Variants in LMBRD2 observed in about 807,000 individuals in gnomAD.
The protein encoded by LMBRD2 is G protein-coupled receptor-associated protein LMBRD2.
A neutral mutation model predicts 94.4 loss-of-function variants in LMBRD2; 55 were observed. That is an observed-to-expected ratio of 0.58 (90% CI 0.47 to 0.73). The LOEUF is 0.73. Among genes scored for constraint, LMBRD2 ranks in the 30% least tolerant of loss-of-function variants. LMBRD2 has a pLI of 0.00. For synonymous variants in LMBRD2, 246 were observed against 272.4 expected (o/e 0.90, Z 0.95); for missense variants, 640 against 831.9 (o/e 0.77, Z 2.84).
rs1001215437 is a variant in LMBRD2 at position 36,102,599 on chromosome 5, T to A, written c.*1447A>T. On this transcript the variant is annotated 3_prime_UTR_variant, in exon 18 of 18. Transcript: ENST00000296603. ...GATCAAAATTTTCAGATAATGAGGATGATGCTCTATTCCTTTCAATATCTG... is the reference window on the plus strand; with the variant it reads ...GATCAAAATTTTCAGATAATGAGGAAGATGCTCTATTCCTTTCAATATCTG... 1 of 151,748 alleles carries A rather than the reference T, an allele frequency of 6.6e-6. No individual in the cohort carries two copies. The highest frequency in any genetic ancestry group is 2.4e-5 in the African/African-American group (1 of 41,392). The allele number at this position is 151,748 out of a possible 1,614,324, so 9.4% of individuals were successfully genotyped here.
chr5:36,141,319 T>A (rs1311977798), intron 3 of LMBRD2, 117 bp from the exon 4 acceptor site: 1 of 565,178 alleles, frequency 1.8e-6, no homozygotes, highest in East Asian at 3.2e-5. Context: ...CTGACTCTAA[T>A]AATCAATAAC....
intron 16 of LMBRD2, among the ~76,000 whole-genome samples, chr5:36,107,163 A>AT (rs1343866895): frequency 6.6e-6 from 1 of 152,168 alleles, no homozygotes; most frequent in East Asian, 1.9e-4. Context: ...CATAGTCTGT[A>AT]ATTAAAATAT....
chr5:36,141,102 C>T lies in LMBRD2; in HGVS notation c.368+5G>A. The stretch of plus-strand genomic sequence containing the variant: ...TTAAAAATTTTATCATTTACTGTAA[C>T]TTACCATGTTAAAAATTGTGACGTC... On this transcript the variant is annotated splice_donor_5th_base_variant and intron_variant, in intron 4 of 17. Transcript: ENST00000296603. 6.5e-7 allele frequency: 1 copy of T among 1,537,204 alleles called. No individual in the cohort carries two copies. The highest frequency in any genetic ancestry group is 8.9e-7 in the Non-Finnish European group (1 of 1,118,918).
chr5:36,113,317 T>C (rs1003511679), intron 13 of LMBRD2, among the ~76,000 whole-genome samples: 2 of 151,972 alleles, frequency 1.3e-5, no homozygotes, highest in Non-Finnish European at 2.9e-5. Flanking sequence ...ATCAAGACCC[T>C]CTCACGAGGA....
chr5:36,144,382 G>A (rs1043287062), intron 1 of LMBRD2, among the ~76,000 whole-genome samples: 1 of 152,004 alleles, frequency 6.6e-6, no homozygotes, highest in African/African-American at 2.4e-5. Context: ...TCAAGAGTGT[G>A]ATCAACCCAA....
At chr5:36,141,257 A>G in intron 3 of LMBRD2, 55 bp from the exon 4 acceptor site, 5 of 1,009,892 alleles carry the variant, frequency 5.0e-6, no homozygotes, top group Non-Finnish European at 7.7e-6. Context: ...TAAATGAATT[A>G]TACAATTAAT....
Position 36,116,445 on chromosome 5 carries a change from C to T in LMBRD2, c.1436+15G>A, listed in dbSNP as rs367964786. ...TGATGACATTTCTCTTGTTTCTAAA[C>T]ATAATCCTACTTACATGCCACTGAA... On this transcript the variant is annotated intron_variant, in intron 11 of 17. Coordinates refer to ENST00000296603, the MANE Select transcript of LMBRD2 (RefSeq NM_001007527.2). 1.2e-6 allele frequency: 2 copies of T among 1,609,488 alleles called. No individual in the cohort carries two copies. Among genetic ancestry groups the T allele is most frequent in the Non-Finnish European group, 1.7e-6 (2 of 1,177,606 alleles).
At chr5:36,118,068 C>T in intron 9 of LMBRD2, 152 bp from the exon 10 acceptor site, 1 of 605,432 alleles carries the variant, frequency 1.7e-6, no homozygotes, top group Admixed American at 3.3e-5. Context: ...CGAACCTAAC[C>T]AAATGACACC....
chr5:36,113,223 C>T (rs1420869033), intron 13 of LMBRD2, among the ~76,000 whole-genome samples: 3 of 152,084 alleles, frequency 2.0e-5, no homozygotes, highest in Admixed American at 6.6e-5. Flanking sequence ...GGAAAAGCAT[C>T]GTGAAAATCC....
chr5:36,114,589 G>A (rs1743694434), intron 12 of LMBRD2, 68 bp from the exon 13 acceptor site: 1 of 1,430,918 alleles, frequency 7.0e-7, no homozygotes, highest in South Asian at 1.7e-5. Flanking sequence ...TCCATCATTA[G>A]AAAATTTGCC....
intron 6 of LMBRD2, among the ~76,000 whole-genome samples, chr5:36,132,910 T>C (rs1302772154): frequency 6.6e-6 from 1 of 151,692 alleles, no homozygotes; most frequent in Admixed American, 6.6e-5. Flanking sequence ...CTCACCCCAG[T>C]TAAAATGGGT....
At chr5:36,122,773 C>CT (rs1743917163) in intron 8 of LMBRD2, 75 bp downstream of exon 8, 2 of 1,484,936 alleles carry the variant, frequency 1.3e-6, no homozygotes, top group South Asian at 2.6e-5. Context: ...CTAAAAATTC[C>CT]TTTTTTTATG....
chr5:36,130,558 G>A (rs556782469), intron 6 of LMBRD2, among the ~76,000 whole-genome samples: 2 of 152,186 alleles, frequency 1.3e-5, no homozygotes, highest in South Asian at 4.2e-4. Context: ...ATAACAGAAT[G>A]GCAGGAGTAA....
intron 11 of LMBRD2, 73 bp from the exon 12 acceptor site, chr5:36,115,193 T>C: frequency 2.4e-6 from 2 of 829,724 alleles, no homozygotes; most frequent in Non-Finnish European, 1.9e-6. Context: ...TACTGAGATG[T>C]ATTAAAAACA....
At position 36,136,419 on chromosome 5, in the gene LMBRD2, A is replaced by G. The variant is rs867741622; in HGVS notation, c.637T>C (p.Tyr213His). 2.1e-5 allele frequency: 34 copies of G among 1,614,024 alleles called. 1 individual carries two copies. The Middle Eastern group carries it at 3.6e-3, about 172-fold the overall frequency. ...TAACCCCTTTTTGCTCCATTCCAGT[A>G]TGATCGAGGAATTTCCACCAAGCCA... Reference protein sequence around the residue: ...GYGLVEIPRSYWNGAKRGYLL... With the variant: ...GYGLVEIPRSHWNGAKRGYLL... The change falls in exon 6 of 18, where the codon TAC becomes CAC. Residue 213 changes from tyrosine (Y) to histidine (H), a missense_variant. Coordinates refer to ENST00000296603, the MANE Select transcript of LMBRD2 (RefSeq NM_001007527.2).
At chr5:36,110,089 T>G in intron 14 of LMBRD2, 98 bp from the exon 15 acceptor site, 1 of 899,496 alleles carries the variant, frequency 1.1e-6, no homozygotes, top group Non-Finnish European at 1.8e-6. Context: ...AGTATTTCTT[T>G]TAAATTATCA....
At chr5:36,131,928 A>C (rs1350007656) in intron 6 of LMBRD2, among the ~76,000 whole-genome samples, 2 of 152,144 alleles carry the variant, frequency 1.3e-5, no homozygotes, top group Non-Finnish European at 2.9e-5. Context: ...TCTCTATCAA[A>C]ATACCAACGA....
rs949970820 is a variant in LMBRD2, at chr5:36,125,713, G to C, written c.748-1448C>G. Among the ~76,000 whole-genome samples, 6 of 152,248 alleles carry C rather than the reference G, an allele frequency of 3.9e-5. No homozygotes were observed. In the East Asian group the frequency reaches 1.2e-3, roughly 29 times the overall value. On this transcript the variant is annotated intron_variant, in intron 6 of 17. Transcript: ENST00000296603. ...CATACTTTATAAATAATCTGTACCA[G>C]TAGACACTATTCCTGTCAAGGAATT...
intron 4 of LMBRD2, among the ~76,000 whole-genome samples, chr5:36,138,877 G>C (rs1162032781): frequency 6.6e-6 from 1 of 152,242 alleles, no homozygotes; most frequent in Middle Eastern, 3.2e-3. Flanking sequence ...AGAGCTGAAG[G>C]GGATGGATCC....
Sources: gnomAD v4.1 joint callset for allele counts (sites outside exome capture counted in the v4.1 genomes callset) on GRCh38, gnomAD v4.1.1 for gene constraint, MANE v1.5 for transcripts, NCBI Gene and HGNC (gene_info 2026-07-23, HGNC 2026-07-21) for gene names.